LAMC2: variants seen among roughly 807,000 people sequenced by gnomAD.
The protein encoded by LAMC2 is laminin subunit gamma-2.
A neutral mutation model predicts 140.2 loss-of-function variants in LAMC2; 97 were observed. The observed-to-expected ratio is 0.69, with a 90% CI of 0.59 to 0.82. The LOEUF is 0.82. Ranked by LOEUF, LAMC2 falls within the 40% of genes least tolerant of loss-of-function variation. LAMC2 has a pLI of 0.00. For missense variants in LAMC2, 1,402 were observed against 1,476.1 expected (o/e 0.95, Z 0.82); for synonymous variants, 513 against 540.2 (o/e 0.95, Z 0.70).
rs1660184927 is a variant in LAMC2 at position 183,243,627 on chromosome 1, A to G, written c.*227A>G. The stretch of plus-strand genomic sequence containing the variant: ...AATGAGGCAGATAGCACTGGGTGTG[A>G]GAATGATCAAGGATCTGGACCCCAA... On this transcript the variant is annotated 3_prime_UTR_variant, in exon 23 of 23. Transcript: ENST00000264144. 1.7e-6 allele frequency: 1 copy of G among 585,636 alleles called. No individual in the cohort carries two copies. The allele number at this position is 585,636 out of a possible 1,614,324, so 36.3% of individuals were successfully genotyped here.
chr1:183,235,614 G>T lies in LAMC2; in HGVS notation c.2340G>T (p.Arg780Ser). The T allele has an allele frequency of 6.2e-7, 1 of 1,614,206 alleles. No homozygotes were observed. Among genetic ancestry groups the T allele is most frequent in the Non-Finnish European group, 8.5e-7 (1 of 1,180,034 alleles). Residue 780 changes from arginine to serine, a missense_variant, in exon 16 of 23, where the codon AGG becomes AGT. By Grantham distance (110) the Arg-to-Ser change is moderately radical. Transcript: ENST00000264144. ...ESASNMEQLT[R>S]ETEDYSKQAL... The stretch of plus-strand genomic sequence containing the variant: ...CCAGTAACATGGAGCAACTGACAAG[G>T]GAAACTGAGGACTATTCCAAACAAG...
intron 15 of LAMC2, 83 bp downstream of exon 15, chr1:183,234,529 C>A: frequency 9.3e-7 from 1 of 1,076,412 alleles, no homozygotes; most frequent in Non-Finnish European, 1.4e-6. Context: ...ATTAGGGACC[C>A]AAGCATCGTA....
chr1:183,247,689 C>T (rs1660267791), downstream of LAMC2, among the ~76,000 whole-genome samples: 1 of 152,184 alleles, frequency 6.6e-6, no homozygotes, highest in African/African-American at 2.4e-5. Flanking sequence ...TGATAATTAG[C>T]TAATGGCAAT....
At position 183,235,744 on chromosome 1, in the gene LAMC2, G is replaced by C. The variant is rs1452864336; in HGVS notation, c.2456+14G>C. The C allele has an allele frequency of 1.9e-6, 3 of 1,613,686 alleles. No homozygotes were observed. The highest frequency in any genetic ancestry group is 3.3e-5 in the Admixed American group (2 of 60,002). On this transcript the variant is annotated intron_variant, in intron 16 of 22. Transcript: ENST00000264144. ...GCTTGTGGAAAAGTACGTTCCTACGGGTCCTCCCGTGGCTCATTATACCTT... is the reference window on the plus strand; with the variant it reads ...GCTTGTGGAAAAGTACGTTCCTACGCGTCCTCCCGTGGCTCATTATACCTT...
At chr1:183,195,279 G>A (rs1658479561) in intron 1 of LAMC2, among the ~76,000 whole-genome samples, 1 of 151,860 alleles carries the variant, frequency 6.6e-6, no homozygotes, top group South Asian at 2.1e-4. Context: ...AGTTCACACG[G>A]GTACATTCCC....
chr1:183,232,050 A>T, intron 12 of LAMC2, 137 bp from the exon 13 acceptor site: 1 of 1,030,478 alleles, frequency 9.7e-7, no homozygotes. Flanking sequence ...TCTAGGCTCC[A>T]GGGTCTAAAA....
chr1:183,216,448 C>T (rs1257884624), intron 3 of LAMC2, among the ~76,000 whole-genome samples: 1 of 152,180 alleles, frequency 6.6e-6, no homozygotes, highest in Non-Finnish European at 1.5e-5. Context: ...CCTGCAAGGT[C>T]CTCCTCCCTC....
At chr1:183,239,769 G>C (rs1297524996) in intron 20 of LAMC2, 4 of 637,334 alleles carry the variant, frequency 6.3e-6, no homozygotes, top group Non-Finnish European at 1.1e-5. Flanking sequence ...TTCCCAAATG[G>C]TTCCTAACTC....
chr1:183,191,227 TA>T (rs1179795372), intron 1 of LAMC2, among the ~76,000 whole-genome samples: 1 of 152,164 alleles, frequency 6.6e-6, no homozygotes, highest in African/African-American at 2.4e-5. Context: ...TTGGAAAAAT[TA>T]AAACCTCTAC....
Position 183,223,460 on chromosome 1 carries a change from T to TA in LAMC2, c.953+137dup, listed in dbSNP as rs745514589. 68 of 798,046 alleles carry TA rather than the reference T, an allele frequency of 8.5e-5. 3 individuals carry two copies. The Middle Eastern group carries it at 1.7e-3, about 20-fold the overall frequency. 49.4% of individuals were successfully genotyped at this position (798,046 alleles called of 1,614,324 possible). A position where few individuals can be genotyped will look rare whatever the true frequency, so the allele number is the denominator to read the frequency against. ...ACCTTTTACGTACCATGAAGGTTGC[T>TA]ATGTGCTGAGAAAGGACATGATTCC... is the stretch of plus-strand genomic sequence containing the variant. On this transcript the variant is annotated intron_variant, in intron 7 of 22. Transcript: ENST00000264144.
Position 183,238,730 on chromosome 1 carries a change from G to A in LAMC2, c.2869+309G>A, listed in dbSNP as rs552357987. Among the ~76,000 whole-genome samples the A allele has an allele frequency of 4.6e-5, 7 of 152,274 alleles. No individual in the cohort carries two copies. In the South Asian group the frequency reaches 1.2e-3, roughly 27 times the overall value. On this transcript the variant is annotated intron_variant, in intron 19 of 22. Transcript: ENST00000264144. ...AGTATCTTCCTCTTTAAAGAGACGAGGTTAAACTATGTGTTCTCTAAGTTC... is the reference window on the plus strand; with the variant it reads ...AGTATCTTCCTCTTTAAAGAGACGAAGTTAAACTATGTGTTCTCTAAGTTC...
chr1:183,186,325 G>T lies in LAMC2; in HGVS notation c.-28G>T. 6.3e-7 allele frequency: 1 copy of T among 1,576,896 alleles called. No individual in the cohort carries two copies. Among genetic ancestry groups the T allele is most frequent in the Non-Finnish European group, 8.6e-7 (1 of 1,168,298 alleles). Reference sequence around the variant, plus strand: ...GCCGGGCAGCGACCCCTGCAGCGGAGACAGAGACTGAGCGGCCCGGCCCCG... The same window carrying T: ...GCCGGGCAGCGACCCCTGCAGCGGATACAGAGACTGAGCGGCCCGGCCCCG... On this transcript the variant is annotated 5_prime_UTR_variant, in exon 1 of 23. Coordinates refer to ENST00000264144, the MANE Select transcript of LAMC2 (RefSeq NM_005562.3).
In LAMC2 at chr1:183,232,188, T is replaced by C; in HGVS notation, c.1859T>C (p.Met620Thr). 6.2e-7 allele frequency: 1 copy of C among 1,613,770 alleles called. No homozygotes were observed. The highest frequency in any genetic ancestry group is 1.1e-5 in the South Asian group (1 of 91,058). The change falls in exon 13 of 23, where the codon ATG becomes ACG. Residue 620 changes from methionine (M) to threonine (T), a missense_variant and splice_region_variant. Physicochemically the swap from Met to Thr is moderately conservative, Grantham distance 81. Coordinates refer to ENST00000264144, the MANE Select transcript of LAMC2 (RefSeq NM_005562.3). ...CTGATCTTTCCTGTGTGGTTTCAGA[T>C]GGATCAGTTTATGCAGCAGCTTCAG... Reference protein sequence around the residue: ...PACYNQVKIQMDQFMQQLQRM... With the variant: ...PACYNQVKIQTDQFMQQLQRM...
intron 1 of LAMC2, among the ~76,000 whole-genome samples, chr1:183,203,078 A>G (rs563166953): frequency 6.6e-6 from 1 of 152,346 alleles, no homozygotes; most frequent in South Asian, 2.1e-4. Context: ...GAGTGCAGAG[A>G]TTTGCCTGTG....
intron 4 of LAMC2, among the ~76,000 whole-genome samples, chr1:183,220,463 G>C (rs1392677359): frequency 6.6e-6 from 1 of 151,914 alleles, no homozygotes. Context: ...TTAAACAGTA[G>C]CTCCAGGACA....
chr1:183,196,228 A>G (rs534645949), intron 1 of LAMC2, among the ~76,000 whole-genome samples: 3 of 151,362 alleles, frequency 2.0e-5, no homozygotes, highest in Non-Finnish European at 2.9e-5. Flanking sequence ...ACCTCTGCCT[A>G]CCGGGTTCAA....
chr1:183,217,215 A>G (rs1659297707), intron 3 of LAMC2, among the ~76,000 whole-genome samples: 1 of 152,144 alleles, frequency 6.6e-6, no homozygotes, highest in Non-Finnish European at 1.5e-5. Flanking sequence ...AGAAGAGACA[A>G]TAAACTTGGT....
chr1:183,225,512 G>T, intron 7 of LAMC2, 96 bp from the exon 8 acceptor site: 1 of 862,058 alleles, frequency 1.2e-6, no homozygotes, highest in South Asian at 1.3e-5. Flanking sequence ...GACTGGGAAG[G>T]GGCTTAGCTG....
intron 16 of LAMC2, 53 bp from the exon 17 acceptor site, chr1:183,236,403 AAAAG>A: frequency 5.2e-6 from 8 of 1,525,530 alleles, no homozygotes; most frequent in African/African-American, 4.2e-5. Context: ...AAAAAAAAAA[AAAAG>A]AATTCTCAAA....
Sources: allele counts gnomAD v4.1 joint callset (sites outside exome capture counted in the v4.1 genomes callset), GRCh38; gene constraint gnomAD v4.1.1; transcripts MANE v1.5; gene names NCBI Gene and HGNC (gene_info 2026-07-23, HGNC 2026-07-21).